The following PRUNE2 variants were observed in gnomAD, a reference collection of about 807,000 sequenced individuals.
The protein encoded by PRUNE2 is protein prune homolog 2.
In PRUNE2, 164 loss-of-function variants were observed where a neutral mutation model predicts 252.0. That is an observed-to-expected ratio of 0.65 (90% CI 0.57 to 0.74). The LOEUF is 0.74. Ranked by LOEUF, PRUNE2 falls within the 30% of genes least tolerant of loss-of-function variation. The pLI is 0.00. For missense variants in PRUNE2, 3,495 were observed against 3,711.0 expected (o/e 0.94, Z 1.51); for synonymous variants, 1,292 against 1,350.2 (o/e 0.96, Z 0.94).
At chr9:76,902,046 T>C (rs1425873332) in intron 1 of PRUNE2, among the ~76,000 whole-genome samples, 4 of 152,148 alleles carry the variant, frequency 2.6e-5, no homozygotes, top group Admixed American at 6.5e-5. Context: ...TGGGGGGGTC[T>C]GGGCAGTGAG....
chr9:76,835,688 C>T (rs1259614163), intron 4 of PRUNE2, among the ~76,000 whole-genome samples: 6 of 152,062 alleles, frequency 3.9e-5, no homozygotes, highest in Admixed American at 1.3e-4. Flanking sequence ...AATGTAATTC[C>T]CTCTGGATTT....
chr9:76,739,147 C>A (rs1328188254), intron 6 of PRUNE2: 2 of 152,082 alleles, frequency 1.3e-5, no homozygotes, highest in Non-Finnish European at 2.9e-5. Flanking sequence ...CCATTTTCCA[C>A]AAAGAACACC....
intron 9 of PRUNE2, among the ~76,000 whole-genome samples, chr9:76,695,262 T>C (rs2045272758): frequency 1.5e-5 from 2 of 135,726 alleles, no homozygotes; most frequent in African/African-American, 5.0e-5. Context: ...GGTCTCGAAC[T>C]CCTCACCTCA....
intron 4 of PRUNE2, among the ~76,000 whole-genome samples, chr9:76,828,747 G>T (rs187501937): frequency 3.3e-5 from 5 of 152,090 alleles, no homozygotes; most frequent in African/African-American, 1.2e-4. Context: ...CGGGCGCAGC[G>T]GCTCATGCCT....
chr9:76,694,729 C>G (rs568377308), intron 9 of PRUNE2, among the ~76,000 whole-genome samples: 54 of 151,432 alleles, frequency 3.6e-4, no homozygotes, highest in African/African-American at 1.2e-3. Flanking sequence ...TGAGGAAATG[C>G]ATTATTTTAT....
At chr9:76,897,744 T>A (rs889797049) in intron 1 of PRUNE2, among the ~76,000 whole-genome samples, 1 of 152,092 alleles carries the variant, frequency 6.6e-6, no homozygotes, top group Non-Finnish European at 1.5e-5. Flanking sequence ...TCACTGAGCC[T>A]CAGTTTTGGC....
At chr9:76,764,032 A>G (rs2052040274) in intron 6 of PRUNE2, among the ~76,000 whole-genome samples, 1 of 152,212 alleles carries the variant, frequency 6.6e-6, no homozygotes, top group Non-Finnish European at 1.5e-5. Flanking sequence ...TAGGGTTAAA[A>G]GATTATTTGT....
At position 76,647,479 on chromosome 9, in the gene PRUNE2, A is replaced by C. The variant is rs371820838; in HGVS notation, c.8558-2570T>G. Among the ~76,000 whole-genome samples, 8 of 152,270 alleles carry C rather than the reference A, an allele frequency of 5.3e-5. No homozygotes were observed. The South Asian group carries it at 1.7e-3, about 32-fold the overall frequency. On this transcript the variant is annotated intron_variant, in intron 11 of 18. Coordinates refer to ENST00000376718, the MANE Select transcript of PRUNE2 (RefSeq NM_015225.3). ...CTTGGATGCAAAGATGACTTTTTAG[A>C]TACAACACCAAAGGCATGATCCATG...
chr9:76,693,411 A>AGGT (rs2045002849), intron 9 of PRUNE2, among the ~76,000 whole-genome samples: 1 of 148,654 alleles, frequency 6.7e-6, no homozygotes, highest in Non-Finnish European at 1.5e-5. Flanking sequence ...CCACCAGGGT[A>AGGT]GGTGCTTAAG....
chr9:76,789,678 T>C (rs150143549), intron 6 of PRUNE2, among the ~76,000 whole-genome samples: 1 of 152,320 alleles, frequency 6.6e-6, no homozygotes, highest in Non-Finnish European at 1.5e-5. Flanking sequence ...CACACACTTA[T>C]GGCTGGGAGA....
At chr9:76,837,460 A>AAT (rs1564407107) in intron 4 of PRUNE2, among the ~76,000 whole-genome samples, 3 of 87,390 alleles carry the variant, frequency 3.4e-5, no homozygotes. Flanking sequence ...TAATAATAAT[A>AAT]ATAATAATAA....
intron 9 of PRUNE2, among the ~76,000 whole-genome samples, chr9:76,682,940 G>T (rs1270194445): frequency 6.6e-6 from 1 of 152,100 alleles, no homozygotes; most frequent in Non-Finnish European, 1.5e-5. Context: ...CCACCAAACT[G>T]TACTTTTAAT....
intron 6 of PRUNE2, among the ~76,000 whole-genome samples, chr9:76,774,456 T>TATTTATTTATTTATTTATTTATTTATTTA (rs770848796): frequency 5.2e-5 from 7 of 133,814 alleles, no homozygotes; most frequent in African/African-American, 1.9e-4. Flanking sequence ...AACCCTTTTT[T>TATTTATTTATTTATTTATTTATTTATTTA]TTTTTTTTTT....
At chr9:76,890,238 A>T (rs932722812) in intron 1 of PRUNE2, among the ~76,000 whole-genome samples, 28 of 152,334 alleles carry the variant, frequency 1.8e-4, no homozygotes, top group African/African-American at 6.3e-4. Flanking sequence ...GTCAAATAAC[A>T]TATGTAGCTG....
At chr9:76,847,988 G>C (rs2059758617) in intron 3 of PRUNE2, among the ~76,000 whole-genome samples, 1 of 152,180 alleles carries the variant, frequency 6.6e-6, no homozygotes, top group African/African-American at 2.4e-5. Flanking sequence ...ATATGGCTGG[G>C]CATGGTGGCT....
At chr9:76,781,476 C>A (rs779210296) in intron 6 of PRUNE2, among the ~76,000 whole-genome samples, 4 of 152,226 alleles carry the variant, frequency 2.6e-5, no homozygotes, top group Non-Finnish European at 5.9e-5. Flanking sequence ...AATGCTCTTA[C>A]CCCTAGTCCT....
chr9:76,618,094 T>G (rs1236332153), intron 18 of PRUNE2, among the ~76,000 whole-genome samples: 1 of 152,244 alleles, frequency 6.6e-6, no homozygotes, highest in African/African-American at 2.4e-5. Context: ...CAAAGGTCTC[T>G]CTATGGTCTT....
chr9:76,696,217 T>C (rs535538848), intron 9 of PRUNE2, among the ~76,000 whole-genome samples: 16 of 152,286 alleles, frequency 1.1e-4, no homozygotes, highest in Non-Finnish European at 2.2e-4. Flanking sequence ...CCTGAAGAAC[T>C]CTTACATAGA....
intron 6 of PRUNE2, among the ~76,000 whole-genome samples, chr9:76,776,254 C>T (rs1384170836): frequency 6.6e-6 from 1 of 152,112 alleles, no homozygotes; most frequent in African/African-American, 2.4e-5. Context: ...AGACATTGTA[C>T]CCAATGGGTA....
Sources: gnomAD v4.1 joint callset for allele counts (sites outside exome capture counted in the v4.1 genomes callset) on GRCh38, gnomAD v4.1.1 for gene constraint, MANE v1.5 for transcripts, NCBI Gene and HGNC (gene_info 2026-07-23, HGNC 2026-07-21) for gene names.